LMNB1: variants seen among roughly 807,000 people sequenced by gnomAD.
LMNB1 encodes the protein lamin B1, also known as lamin-B1.
A neutral mutation model predicts 67.1 loss-of-function variants in LMNB1; 23 were observed. That is an observed-to-expected ratio of 0.34 (90% CI 0.25 to 0.49). The LOEUF (loss-of-function observed/expected upper bound fraction) is 0.49. Among genes scored for constraint, LMNB1 ranks in the 20% least tolerant of loss-of-function variants. The pLI, the probability that LMNB1 is intolerant of heterozygous loss-of-function variation, is 0.99. For synonymous variants in LMNB1, 281 were observed against 282.9 expected (o/e 0.99, Z 0.07); for missense variants, 634 against 746.5 (o/e 0.85, Z 1.76).
intron 8 of LMNB1, 66 bp from the exon 9 acceptor site, chr5:126,825,922 A>T: frequency 6.2e-7 from 1 of 1,607,202 alleles, no homozygotes; most frequent in Non-Finnish European, 8.5e-7. Flanking sequence ...GTCTCATCGC[A>T]TTGCTGTCGT....
In LMNB1 at chr5:126,788,231, G is replaced by A. The variant is rs151094253; in HGVS notation, c.359+10364G>A. 4.3e-4 allele frequency among the ~76,000 whole-genome samples: 66 copies of A among 152,224 alleles called. 1 individual carries two copies. In the East Asian group the frequency reaches 0.01, roughly 23 times the overall value. On this transcript the variant is annotated intron_variant, in intron 1 of 10. Coordinates refer to ENST00000261366, the MANE Select transcript of LMNB1 (RefSeq NM_005573.4). The stretch of plus-strand genomic sequence containing the variant: ...AGTCAGTGAATTAGTGGTGTTTGCC[G>A]GACTTTAGGTAGCAATGTTAGTTGG...
rs184523233 is a variant in LMNB1, at chr5:126,786,280, G to A, written c.359+8413G>A. Among the ~76,000 whole-genome samples, 487 of 151,668 alleles carry A rather than the reference G, an allele frequency of 3.2e-3. 4 individuals are homozygous for A. The highest frequency in any genetic ancestry group is 0.011 in the African/African-American group (472 of 41,374). Reference sequence around the variant, plus strand: ...TGGGACTACAGGTGCCCGCCACTACGCCCGGCTAATTTTTTGTATTTTTTA... The same window carrying A: ...TGGGACTACAGGTGCCCGCCACTACACCCGGCTAATTTTTTGTATTTTTTA... On this transcript the variant is annotated intron_variant, in intron 1 of 10. Coordinates refer to ENST00000261366, the MANE Select transcript of LMNB1 (RefSeq NM_005573.4).
At position 126,784,812 on chromosome 5, in the gene LMNB1, A is replaced by G. The variant is rs555779662; in HGVS notation, c.359+6945A>G. Among the ~76,000 whole-genome samples the G allele has an allele frequency of 6.3e-4, 93 of 148,478 alleles. 1 individual carries two copies. Among genetic ancestry groups the G allele is most frequent in the Non-Finnish European group, 9.9e-4 (67 of 67,418 alleles). ...GTAACTGGAACTACAGGCGCCCTCC[A>G]CCACGCCGGGCTAATTTTTTTTTAT... is the stretch of plus-strand genomic sequence containing the variant. On this transcript the variant is annotated intron_variant, in intron 1 of 10. Transcript: ENST00000261366.
intron 1 of LMNB1, among the ~76,000 whole-genome samples, chr5:126,783,480 A>G (rs1350608625): frequency 2.0e-5 from 3 of 152,098 alleles, no homozygotes; most frequent in Non-Finnish European, 4.4e-5. Flanking sequence ...TTAATTTTCA[A>G]GGGAAGACTT....
At position 126,826,024 on chromosome 5, in the gene LMNB1, C is replaced by A. The variant is rs765894554; in HGVS notation, c.1528C>A (p.Pro510Thr). 8 of 1,613,960 alleles carry A rather than the reference C, an allele frequency of 5.0e-6. No individual in the cohort carries two copies. The African/African-American group carries it at 5.3e-5, about 11-fold the overall frequency. ...AANAGVTASP[P>T]TDLIWKNQNS... ...AAACGCTGGTGTCACAGCCAGCCCC[C>A]CAACTGACCTCATCTGGAAGAACCA... Residue 510 changes from proline to threonine, a missense_variant, in exon 9 of 11, where the codon CCA (proline) becomes ACA (threonine). Transcript: ENST00000261366.
chr5:126,777,382 C>A lies in LMNB1; in HGVS notation c.-127C>A. The A allele has an allele frequency of 8.9e-7, 1 of 1,125,074 alleles. No individual in the cohort carries two copies. The highest frequency in any genetic ancestry group is 1.1e-6 in the Non-Finnish European group (1 of 890,266). 69.7% of individuals were successfully genotyped at this position (1,125,074 alleles called of 1,614,324 possible). ...CCAGGTGCTTCTCCGTTCCTCTAAACGCCAGCGTCTGGACGTGAGCGCAGG... is the reference window on the plus strand; with the variant it reads ...CCAGGTGCTTCTCCGTTCCTCTAAAAGCCAGCGTCTGGACGTGAGCGCAGG... On this transcript the variant is annotated 5_prime_UTR_variant, in exon 1 of 11. Transcript: ENST00000261366.
chr5:126,828,045 A>T lies in LMNB1; in HGVS notation c.1611+1938A>T, dbSNP rs146181664. On this transcript the variant is annotated intron_variant, in intron 9 of 10. Coordinates refer to ENST00000261366, the MANE Select transcript of LMNB1 (RefSeq NM_005573.4). ...GAAGCATTTACTGGATGCATTTTTT[A>T]AAAAAAAATCAGACATGGACCTTGA... 7.6e-3 allele frequency among the ~76,000 whole-genome samples: 1,161 copies of T among 151,858 alleles called. 6 individuals carry two copies. The highest frequency in any genetic ancestry group is 0.012 in the Non-Finnish European group (831 of 67,886).
intron 9 of LMNB1, among the ~76,000 whole-genome samples, chr5:126,831,102 A>G (rs1466395398): frequency 6.6e-6 from 1 of 152,188 alleles, no homozygotes; most frequent in Admixed American, 6.5e-5. Context: ...TACAAAACAC[A>G]TTATTGGGCA....
At chr5:126,818,870 T>G in intron 5 of LMNB1, 52 bp from the exon 6 acceptor site, 1 of 1,250,260 alleles carries the variant, frequency 8.0e-7, no homozygotes, top group Non-Finnish European at 1.2e-6. Context: ...AGCTGCCTGG[T>G]GCTAATGTTG....
intron 1 of LMNB1, among the ~76,000 whole-genome samples, chr5:126,803,850 C>T (rs561290036): frequency 6.6e-5 from 10 of 152,240 alleles, no homozygotes; most frequent in African/African-American, 2.4e-4. Context: ...CGTGCCCGGC[C>T]CTGAACCTCA....
rs1751456034 is a variant in LMNB1 at position 126,806,984 on chromosome 5, A to T, written c.642+1288A>T. The stretch of plus-strand genomic sequence containing the variant: ...AATAGAGACGAGGTTCCACCGTGTT[A>T]GCCAGGATGGTCTCAATCTCCTGAC... On this transcript the variant is annotated intron_variant, in intron 3 of 10. Transcript: ENST00000261366. 2.0e-5 allele frequency among the ~76,000 whole-genome samples: 3 copies of T among 152,170 alleles called. No individual in the cohort carries two copies. The South Asian group carries it at 6.2e-4, about 32-fold the overall frequency.
chr5:126,795,975 C>G (rs1367311487), intron 1 of LMNB1, among the ~76,000 whole-genome samples: 8 of 122,176 alleles, frequency 6.5e-5, no homozygotes, highest in Non-Finnish European at 1.6e-5. Context: ...TCTTGTTGCC[C>G]AGGTGGGAGT....
intron 6 of LMNB1, 129 bp from the exon 7 acceptor site, chr5:126,820,781 C>T (rs1751846953): frequency 1.5e-6 from 1 of 682,948 alleles, no homozygotes; most frequent in African/African-American, 1.8e-5. Context: ...CTGCCTTGGC[C>T]TCCCAAAGTG....
intron 1 of LMNB1, among the ~76,000 whole-genome samples, chr5:126,779,957 A>G (rs1028652396): frequency 3.3e-5 from 5 of 151,358 alleles, no homozygotes; most frequent in African/African-American, 4.9e-5. Context: ...GCTTGAACCC[A>G]GGAGGCGGAT....
intron 10 of LMNB1, among the ~76,000 whole-genome samples, 175 bp from the exon 11 acceptor site, chr5:126,836,044 TCAAA>T (rs1196485798): frequency 3.3e-5 from 5 of 152,204 alleles, no homozygotes; most frequent in South Asian, 2.1e-4. Context: ...AGACTCTATC[TCAAA>T]CAAACAAAGA....
chr5:126,826,557 CTG>C (rs1398826757), intron 9 of LMNB1, among the ~76,000 whole-genome samples: 6 of 152,104 alleles, frequency 3.9e-5, no homozygotes, highest in Admixed American at 2.0e-4. Flanking sequence ...GTTCATGAAA[CTG>C]TGAGTTTGAA....
At chr5:126,811,986 C>T in intron 5 of LMNB1, 88 bp downstream of exon 5, 3 of 1,302,512 alleles carry the variant, frequency 2.3e-6, no homozygotes, top group Non-Finnish European at 3.3e-6. Flanking sequence ...TGATGTCACT[C>T]CTCCCTCTGT....
chr5:126,793,290 T>C (rs998471970), intron 1 of LMNB1, among the ~76,000 whole-genome samples: 1 of 152,130 alleles, frequency 6.6e-6, no homozygotes, highest in Non-Finnish European at 1.5e-5. Flanking sequence ...ACGAGTCTGC[T>C]CCATACTCCT....
At chr5:126,792,171 C>CT (rs1750977526) in intron 1 of LMNB1, among the ~76,000 whole-genome samples, 1 of 135,404 alleles carries the variant, frequency 7.4e-6, no homozygotes, top group Non-Finnish European at 1.5e-5. Flanking sequence ...GAGACAGAGT[C>CT]TTACTCTGTC....
Sources: gnomAD v4.1 joint callset for allele counts (sites outside exome capture counted in the v4.1 genomes callset) on GRCh38, gnomAD v4.1.1 for gene constraint, MANE v1.5 for transcripts, NCBI Gene and HGNC (gene_info 2026-07-23, HGNC 2026-07-21) for gene names.